PTPRD: variants seen among roughly 807,000 people sequenced by gnomAD.
PTPRD encodes the protein receptor-type tyrosine-protein phosphatase delta.
PTPRD carries 34 observed loss-of-function variants against 214.5 expected under a neutral mutation model. The ratio of observed to expected loss-of-function variants is 0.16; its 90% CI spans 0.12 to 0.21. PTPRD has a LOEUF of 0.21. Ranked by LOEUF, PTPRD falls within the 10% of genes least tolerant of loss-of-function variation. The pLI is 1.00. For missense variants in PTPRD, 2,545 were observed against 2,398.7 expected, an observed-to-expected ratio of 1.06 and a Z score of -1.27; for synonymous variants, 1,128 against 845.7, an observed-to-expected ratio of 1.33 and a Z score of -5.79.
chr9:8,795,552 C>G (rs1400051372), intron 11 of PTPRD, among the ~76,000 whole-genome samples: 1 of 152,108 alleles, frequency 6.6e-6, no homozygotes, highest in Non-Finnish European at 1.5e-5. Flanking sequence ...ATACCACCAC[C>G]AATACCACAG....
intron 24 of PTPRD, 55 bp downstream of exon 24, chr9:8,500,699 A>C: frequency 1.9e-6 from 3 of 1,544,498 alleles, no homozygotes; most frequent in South Asian, 1.2e-5. Context: ...ATTGAAAGAC[A>C]GCAGATCAAG....
At chr9:9,450,793 A>G (rs1037824284) in intron 8 of PTPRD, among the ~76,000 whole-genome samples, 3 of 151,748 alleles carry the variant, frequency 2.0e-5, no homozygotes, top group Non-Finnish European at 4.4e-5. Context: ...TTTAAAAAAG[A>G]GAACAAAGTA....
At chr9:9,635,510 G>A (rs969577314) in intron 7 of PTPRD, among the ~76,000 whole-genome samples, 3 of 152,068 alleles carry the variant, frequency 2.0e-5, no homozygotes, top group Non-Finnish European at 4.4e-5. Context: ...TCAATTCTGG[G>A]GACTGTGATG....
intron 8 of PTPRD, among the ~76,000 whole-genome samples, chr9:9,443,138 T>C (rs1039302532): frequency 2.0e-5 from 3 of 152,232 alleles, no homozygotes; most frequent in East Asian, 1.9e-4. Flanking sequence ...ATAGGGCCAT[T>C]CTATGTTCTT....
chr9:8,441,739 A>G lies in PTPRD; in HGVS notation c.3989-5050T>C, dbSNP rs146844009. Among the ~76,000 whole-genome samples the G allele has an allele frequency of 3.3e-5, 5 of 152,118 alleles. No individual in the cohort carries two copies. The East Asian group carries it at 9.7e-4, about 29-fold the overall frequency. ...GGTTCATCTACCTCCCCTTCTCTCT[A>G]ACCTGATCCCCCATTATCTCTACCA... On this transcript the variant is annotated intron_variant, in intron 34 of 45. Coordinates refer to ENST00000381196, the MANE Select transcript of PTPRD (RefSeq NM_002839.4).
At chr9:9,401,791 G>C (rs973931573) in intron 8 of PTPRD, among the ~76,000 whole-genome samples, 5 of 151,920 alleles carry the variant, frequency 3.3e-5, no homozygotes, top group African/African-American at 9.7e-5. Flanking sequence ...TCCTGATAGT[G>C]AGTGAGTTCT....
At chr9:9,474,460 T>A (rs1265680751) in intron 8 of PTPRD, among the ~76,000 whole-genome samples, 2 of 152,122 alleles carry the variant, frequency 1.3e-5, no homozygotes, top group African/African-American at 2.4e-5. Context: ...TTAGAATTTT[T>A]AAAAAATTTC....
intron 5 of PTPRD, among the ~76,000 whole-genome samples, chr9:9,828,680 C>T (rs1186444274): frequency 6.6e-6 from 1 of 151,240 alleles, no homozygotes; most frequent in South Asian, 2.1e-4. Context: ...AATTTACTTC[C>T]TAATGAAAAT....
chr9:9,558,125 C>G (rs1335033203), intron 8 of PTPRD, among the ~76,000 whole-genome samples: 1 of 152,134 alleles, frequency 6.6e-6, no homozygotes, highest in East Asian at 1.9e-4. Flanking sequence ...CTTTGGCTCT[C>G]TCTGTCTTTC....
Position 9,173,012 on chromosome 9 carries a change from C to G in PTPRD, c.-143+10292G>C, listed in dbSNP as rs544167643. On this transcript the variant is annotated intron_variant, in intron 10 of 45. Transcript: ENST00000381196. Reference sequence around the variant, plus strand: ...TGAAAGCCAAAGTTCTTACCAGCAGCTAACATGGCCTTCGTTTATTTCCCA... The same window carrying G: ...TGAAAGCCAAAGTTCTTACCAGCAGGTAACATGGCCTTCGTTTATTTCCCA... Among the ~76,000 whole-genome samples the G allele has an allele frequency of 7.2e-5, 11 of 152,256 alleles. No individual in the cohort carries two copies. The South Asian group carries it at 2.3e-3, about 32-fold the overall frequency.
At chr9:9,016,128 T>C (rs1589837501) in intron 11 of PTPRD, among the ~76,000 whole-genome samples, 1 of 152,244 alleles carries the variant, frequency 6.6e-6, no homozygotes, top group South Asian at 2.1e-4. Context: ...GAGACTGCCT[T>C]ACTGCAGCCC....
chr9:8,984,580 G>A (rs2099329788), intron 11 of PTPRD, among the ~76,000 whole-genome samples: 1 of 152,028 alleles, frequency 6.6e-6, no homozygotes, highest in African/African-American at 2.4e-5. Context: ...AGGAAGCAGT[G>A]GTAAAATCCA....
In PTPRD at chr9:8,341,922, A is replaced by C. The variant is rs1375336187; in HGVS notation, c.4718T>G (p.Ile1573Arg). ...AATATCTACAGTTTTTTCATGCTTT[A>C]TTCTTTCTAACATGGCATCTATGAC... ...FIVIDAMLER[I>R]KHEKTVDIYG... Residue 1573 changes from isoleucine (I) to arginine (R), a missense_variant, in exon 40 of 46, where the codon ATA becomes AGA. Transcript: ENST00000381196. The C allele has an allele frequency of 6.2e-7, 1 of 1,613,080 alleles. No homozygotes were observed. Among genetic ancestry groups the C allele is most frequent in the Non-Finnish European group, 8.5e-7 (1 of 1,179,594 alleles).
At chr9:8,713,964 A>T in intron 12 of PTPRD, 2 of 615,492 alleles carry the variant, frequency 3.2e-6, no homozygotes. Flanking sequence ...GTGAGGCCTG[A>T]CCTTGGTACA....
intron 9 of PTPRD, among the ~76,000 whole-genome samples, chr9:9,355,070 A>G (rs2053219049): frequency 6.6e-6 from 1 of 151,656 alleles, no homozygotes; most frequent in South Asian, 2.1e-4. Context: ...TTTTAGAAAG[A>G]CCACTCTTGC....
At chr9:9,733,495 T>A (rs1480867440) in intron 7 of PTPRD, among the ~76,000 whole-genome samples, 1 of 152,186 alleles carries the variant, frequency 6.6e-6, no homozygotes. Context: ...ACTTGAAGGA[T>A]GAAACCCACA....
chr9:9,135,885 G>A (rs1480874522), intron 10 of PTPRD, among the ~76,000 whole-genome samples: 1 of 148,562 alleles, frequency 6.7e-6, no homozygotes, highest in Non-Finnish European at 1.5e-5. Context: ...CAAAAGTTGA[G>A]CAGGCATTTT....
intron 2 of PTPRD, among the ~76,000 whole-genome samples, chr9:10,503,193 C>CAAAAA (rs753847764): frequency 0.091 from 6,234 of 68,728 alleles, 810 homozygotes; most frequent in East Asian, 0.12. Flanking sequence ...AGCTGCAATA[C>CAAAAA]AAAAAAAAAA....
intron 30 of PTPRD, among the ~76,000 whole-genome samples, chr9:8,472,188 C>G (rs927441246): frequency 6.6e-6 from 1 of 152,116 alleles, no homozygotes; most frequent in Non-Finnish European, 1.5e-5. Context: ...TGGTCTGTCT[C>G]TTTTTCTTAT....
Sources: allele counts gnomAD v4.1 joint callset (sites outside exome capture counted in the v4.1 genomes callset), GRCh38; gene constraint gnomAD v4.1.1; transcripts MANE v1.5; gene names NCBI Gene and HGNC (gene_info 2026-07-23, HGNC 2026-07-21).